The following GABRB1 variants were observed in gnomAD, a reference collection of about 807,000 sequenced individuals.
The protein encoded by GABRB1 is gamma-aminobutyric acid type A receptor subunit beta1.
GABRB1 carries 17 observed loss-of-function variants against 51.6 expected under a neutral mutation model. The observed-to-expected ratio is 0.33, with a 90% CI of 0.23 to 0.49. The LOEUF is 0.49. Among genes scored for constraint, GABRB1 ranks in the 20% least tolerant of loss-of-function variants. The pLI, the probability that GABRB1 is intolerant of heterozygous loss-of-function variation, is 0.99. For missense variants in GABRB1, 410 were observed against 600.6 expected (o/e 0.68, Z 3.32); for synonymous variants, 247 against 218.9 (o/e 1.13, Z -1.14).
At chr4:47,390,870 A>G (rs1422057720) in intron 5 of GABRB1, among the ~76,000 whole-genome samples, 1 of 152,146 alleles carries the variant, frequency 6.6e-6, no homozygotes, top group East Asian at 1.9e-4. Context: ...TGAAAACTCA[A>G]GCTTCTACTT....
intron 5 of GABRB1, among the ~76,000 whole-genome samples, chr4:47,382,057 C>T (rs962887735): frequency 2.0e-5 from 3 of 152,248 alleles, no homozygotes; most frequent in Non-Finnish European, 4.4e-5. Flanking sequence ...AATTACAAAA[C>T]GATTTTGCAT....
At chr4:47,178,400 C>T (rs149681210) in intron 4 of GABRB1, among the ~76,000 whole-genome samples, 11 of 152,184 alleles carry the variant, frequency 7.2e-5, no homozygotes, top group Admixed American at 2.0e-4. Context: ...TGATGATATC[C>T]GCTCCTGTCC....
intron 3 of GABRB1, among the ~76,000 whole-genome samples, chr4:47,111,929 T>G (rs1715230266): frequency 6.6e-6 from 1 of 151,986 alleles, no homozygotes; most frequent in South Asian, 2.1e-4. Context: ...TTAAAGGTCC[T>G]ATTTTCTCTT....
At chr4:47,364,650 T>C (rs1004492794) in intron 5 of GABRB1, among the ~76,000 whole-genome samples, 2 of 133,430 alleles carry the variant, frequency 1.5e-5, no homozygotes, top group African/African-American at 5.6e-5. Flanking sequence ...GAAAGAAGGA[T>C]GAAAGATTAA....
At chr4:47,303,614 T>A (rs182894243) in intron 4 of GABRB1, among the ~76,000 whole-genome samples, 1 of 152,132 alleles carries the variant, frequency 6.6e-6, no homozygotes, top group East Asian at 1.9e-4. Context: ...GTTACCTTTT[T>A]ATCATTTATT....
chr4:47,335,003 G>A (rs1725642308), intron 5 of GABRB1, among the ~76,000 whole-genome samples: 1 of 152,096 alleles, frequency 6.6e-6, no homozygotes, highest in Admixed American at 6.6e-5. Flanking sequence ...TAATTAATGT[G>A]TCAACAGTAG....
At chr4:47,372,887 C>A (rs1209760421) in intron 5 of GABRB1, among the ~76,000 whole-genome samples, 1 of 152,148 alleles carries the variant, frequency 6.6e-6, no homozygotes, top group Non-Finnish European at 1.5e-5. Context: ...CAACTACTAC[C>A]TTCCTCTTCT....
In GABRB1 at chr4:47,059,101, T is replaced by A. The variant is rs116502995; in HGVS notation, c.240+26617T>A. 4.8e-3 allele frequency among the ~76,000 whole-genome samples: 731 copies of A among 152,300 alleles called. 6 individuals are homozygous for A. Among genetic ancestry groups the A allele is most frequent in the Middle Eastern group, 0.034 (10 of 294 alleles). On this transcript the variant is annotated intron_variant, in intron 3 of 8. Transcript: ENST00000295454. ...GGTACAAATACCACTTTAATCTTCA[T>A]GTGAGGCAAAATTGAGGAGGAGTGC... is the stretch of plus-strand genomic sequence containing the variant.
At chr4:47,323,364 A>T (rs1399806723) in intron 5 of GABRB1, among the ~76,000 whole-genome samples, 1 of 152,258 alleles carries the variant, frequency 6.6e-6, no homozygotes, top group Non-Finnish European at 1.5e-5. Context: ...TAAAAAGTGA[A>T]TTAGCATATG....
In GABRB1 at chr4:47,205,160, C is replaced by G. The variant is rs115576337; in HGVS notation, c.461+43691C>G. Among the ~76,000 whole-genome samples the G allele has an allele frequency of 7.6e-3, 1,155 of 152,246 alleles. 12 individuals carry two copies. The highest frequency in any genetic ancestry group is 0.026 in the African/African-American group (1,088 of 41,556). On this transcript the variant is annotated intron_variant, in intron 4 of 8. Coordinates refer to ENST00000295454, the MANE Select transcript of GABRB1 (RefSeq NM_000812.4). ...ATAGACTCTACTTCTAATTCTAAGG[C>G]TTAACCTCCAAATACTCCTGAGAAA...
intron 4 of GABRB1, among the ~76,000 whole-genome samples, chr4:47,166,276 A>C (rs1032879863): frequency 6.6e-6 from 1 of 152,120 alleles, no homozygotes; most frequent in African/African-American, 2.4e-5. Flanking sequence ...TTTTTCAATA[A>C]AAGTTACACT....
chr4:47,322,001 A>G (rs952161451), intron 5 of GABRB1, among the ~76,000 whole-genome samples: 2 of 152,152 alleles, frequency 1.3e-5, no homozygotes, highest in African/African-American at 2.4e-5. Flanking sequence ...ATAGGTTGAT[A>G]TTTTTCTTTA....
intron 4 of GABRB1, among the ~76,000 whole-genome samples, chr4:47,290,473 C>T (rs1723684485): frequency 6.6e-6 from 1 of 152,070 alleles, no homozygotes. Flanking sequence ...TGGGGCATTC[C>T]TAGAAAATAC....
At chr4:47,310,905 T>C (rs1384007676) in intron 4 of GABRB1, among the ~76,000 whole-genome samples, 1 of 151,936 alleles carries the variant, frequency 6.6e-6, no homozygotes, top group Non-Finnish European at 1.5e-5. Flanking sequence ...GGCTCACGCC[T>C]GTAATCCCAA....
chr4:47,032,160 ACC>A (rs1553910593), intron 2 of GABRB1, among the ~76,000 whole-genome samples, 155 bp downstream of exon 2: 3 of 137,922 alleles, frequency 2.2e-5, no homozygotes, highest in Admixed American at 7.1e-5. Flanking sequence ...ACACACACAC[ACC>A]CCGGGTCCCC....
At chr4:47,288,895 G>C (rs1723617272) in intron 4 of GABRB1, among the ~76,000 whole-genome samples, 1 of 152,086 alleles carries the variant, frequency 6.6e-6, no homozygotes, top group Admixed American at 6.5e-5. Flanking sequence ...TAACCACAAA[G>C]ATTACATCCA....
chr4:47,144,074 T>G lies in GABRB1; in HGVS notation c.241-17175T>G, dbSNP rs145351144. Among the ~76,000 whole-genome samples the G allele has an allele frequency of 8.2e-3, 1,248 of 152,096 alleles. 13 individuals carry two copies. The highest frequency in any genetic ancestry group is 0.028 in the African/African-American group (1,171 of 41,556). ...CTAAAGGAAGGGGCATGATAAATTC[T>G]GTATTGTGCACAGGACCAAAAATTC... On this transcript the variant is annotated intron_variant, in intron 3 of 8. Transcript: ENST00000295454.
chr4:47,345,431 G>T (rs1219115361), intron 5 of GABRB1, among the ~76,000 whole-genome samples: 2 of 152,152 alleles, frequency 1.3e-5, no homozygotes, highest in African/African-American at 4.8e-5. Context: ...GTTTTTTTGA[G>T]ATTGTGTCTA....
chr4:47,046,888 G>A (rs1004519576), intron 3 of GABRB1, among the ~76,000 whole-genome samples: 1 of 152,008 alleles, frequency 6.6e-6, no homozygotes, highest in African/African-American at 2.4e-5. Context: ...AACTAACACA[G>A]GAACAGAAAA....
Sources: gnomAD v4.1 joint callset for allele counts (sites outside exome capture counted in the v4.1 genomes callset) on GRCh38, gnomAD v4.1.1 for gene constraint, MANE v1.5 for transcripts, NCBI Gene and HGNC (gene_info 2026-07-23, HGNC 2026-07-21) for gene names.